Variants in MYOM2 observed in about 807,000 individuals in gnomAD.
MYOM2 encodes myomesin 2.
A neutral mutation model predicts 187.6 loss-of-function variants in MYOM2; 254 were observed. That is an observed-to-expected ratio of 1.35 (90% CI 1.22 to 1.50). MYOM2 has a LOEUF of 1.50. MYOM2 is among the 40% of genes most tolerant of loss of function. MYOM2 has a pLI of 0.00. For missense variants in MYOM2, 2,796 were observed against 1,924.0 expected, an observed-to-expected ratio of 1.45 and a Z score of -8.48; for synonymous variants, 981 against 753.8, an observed-to-expected ratio of 1.30 and a Z score of -4.94.
chr8:2,122,141 G>A (rs1797479812), intron 28 of MYOM2, among the ~76,000 whole-genome samples: 1 of 152,208 alleles, frequency 6.6e-6, no homozygotes, highest in Admixed American at 6.5e-5. Flanking sequence ...GAGACAGTAA[G>A]CAATTAGATT....
chr8:2,121,968 G>A (rs2116855762), intron 28 of MYOM2, among the ~76,000 whole-genome samples: 1 of 152,210 alleles, frequency 6.6e-6, no homozygotes, highest in South Asian at 2.1e-4. Context: ...GTTATTTTGG[G>A]GAATTAGAAC....
At position 2,106,543 on chromosome 8, in the gene MYOM2, G is replaced by T. The variant is rs143709896; in HGVS notation, c.2944G>T (p.Val982Leu). The change falls in exon 23 of 37, where the codon GTG (valine) becomes TTG (leucine). Residue 982 changes from valine to leucine, a missense_variant. Val to Leu is a conservative substitution (Grantham distance 32). Coordinates refer to ENST00000262113, the MANE Select transcript of MYOM2 (RefSeq NM_003970.4). Reference sequence around the variant, plus strand: ...TAAGGAGGATTTAGGGACTTACTCCGTGTCTGTAAGTGATACAGACGGAGT... The same window carrying T: ...TAAGGAGGATTTAGGGACTTACTCCTTGTCTGTAAGTGATACAGACGGAGT... ...PDKEDLGTYS[V>L]SVSDTDGVSS... 6 of 1,612,034 alleles carry T rather than the reference G, an allele frequency of 3.7e-6. No homozygotes were observed. In the Admixed American group the frequency reaches 1.0e-4, roughly 27 times the overall value.
In MYOM2 at chr8:2,145,266, G is replaced by A. The variant is rs1003766608; in HGVS notation, c.*285G>A. 5.5e-5 allele frequency: 29 copies of A among 531,946 alleles called. No homozygotes were observed. Among genetic ancestry groups the A allele is most frequent in the South Asian group, 1.2e-4 (5 of 40,120 alleles). 33.0% of individuals were successfully genotyped at this position (531,946 alleles called of 1,614,324 possible). A position where few individuals can be genotyped will look rare whatever the true frequency, so the allele number is the denominator to read the frequency against. Reference sequence around the variant, plus strand: ...GCAGACAACACACTAGAATTTTCACGGGTGTGGGCACATGGGTGTGGCACC... The same window carrying A: ...GCAGACAACACACTAGAATTTTCACAGGTGTGGGCACATGGGTGTGGCACC... On this transcript the variant is annotated 3_prime_UTR_variant, in exon 37 of 37. Transcript: ENST00000262113.
chr8:2,093,215 C>A (rs1300190566), intron 16 of MYOM2, among the ~76,000 whole-genome samples: 3 of 152,146 alleles, frequency 2.0e-5, no homozygotes, highest in Non-Finnish European at 4.4e-5. Context: ...TGGTGGCTAA[C>A]AAGAAGAGAT....
intron 25 of MYOM2, among the ~76,000 whole-genome samples, chr8:2,114,158 A>C (rs1016572922): frequency 6.6e-6 from 1 of 152,240 alleles, no homozygotes; most frequent in African/African-American, 2.4e-5. Context: ...CAGAAGCTGC[A>C]CTGTTGCAGA....
intron 25 of MYOM2, 145 bp downstream of exon 25, chr8:2,109,676 A>G (rs1206266198): frequency 1.2e-6 from 1 of 865,474 alleles, no homozygotes; most frequent in East Asian, 2.9e-5. Flanking sequence ...GACAAGATGA[A>G]TGGAGATGGT....
At chr8:2,054,573 C>A (rs1013804161) in intron 3 of MYOM2, among the ~76,000 whole-genome samples, 1 of 152,144 alleles carries the variant, frequency 6.6e-6, no homozygotes, top group East Asian at 1.9e-4. Flanking sequence ...GGGAGGAATT[C>A]CAGACCAATT....
At chr8:2,115,937 C>T (rs367654960) in intron 25 of MYOM2, 23 bp from the exon 26 acceptor site, 3 of 1,602,866 alleles carry the variant, frequency 1.9e-6, no homozygotes, top group African/African-American at 2.7e-5. Flanking sequence ...TATAATTCTC[C>T]ATTTCCCTTG....
chr8:2,116,099 G>C lies in MYOM2; in HGVS notation c.3320G>C (p.Gly1107Ala), dbSNP rs143305181. The change falls in exon 26 of 37, where the codon GGA becomes GCA. Residue 1107 changes from glycine to alanine, a missense_variant. By Grantham distance (60) the Gly-to-Ala change is moderately conservative (BLOSUM62 0). Coordinates refer to ENST00000262113, the MANE Select transcript of MYOM2 (RefSeq NM_003970.4). ...AKSQSSLVLI[G>A]DAFKTVLEEA... ...AGTCAGTCTTCTCTAGTTCTTATTGGAGATGGTATGCTATATCGAATATTT... is the reference window on the plus strand; with the variant it reads ...AGTCAGTCTTCTCTAGTTCTTATTGCAGATGGTATGCTATATCGAATATTT... 6.3e-3 allele frequency: 10,156 copies of C among 1,602,146 alleles called. 55 individuals are homozygous for C. Among genetic ancestry groups the C allele is most frequent in the Non-Finnish European group, 7.0e-3 (8,187 of 1,177,778 alleles).
At chr8:2,115,540 G>C (rs1371359417) in intron 25 of MYOM2, among the ~76,000 whole-genome samples, 1 of 152,232 alleles carries the variant, frequency 6.6e-6, no homozygotes, top group African/African-American at 2.4e-5. Flanking sequence ...TGTGTCCCGG[G>C]AGCTGAAGAT....
intron 14 of MYOM2, among the ~76,000 whole-genome samples, chr8:2,088,879 C>G (rs935812739): frequency 6.6e-6 from 1 of 152,218 alleles, no homozygotes; most frequent in African/African-American, 2.4e-5. Flanking sequence ...ATTCCCCCAG[C>G]AGTGGATAAG....
chr8:2,052,773 C>T (rs959615310), intron 3 of MYOM2, among the ~76,000 whole-genome samples: 1 of 152,170 alleles, frequency 6.6e-6, no homozygotes, highest in African/African-American at 2.4e-5. Context: ...CAGGAACAGC[C>T]GTGGAGGGGT....
chr8:2,067,025 G>T (rs1471911238), intron 6 of MYOM2, among the ~76,000 whole-genome samples: 4 of 152,200 alleles, frequency 2.6e-5, no homozygotes, highest in African/African-American at 9.6e-5. Flanking sequence ...TTGAGCAACG[G>T]CAGTTAGGGA....
intron 15 of MYOM2, 55 bp downstream of exon 15, chr8:2,090,246 A>T: frequency 6.6e-7 from 1 of 1,523,372 alleles, no homozygotes; most frequent in Non-Finnish European, 9.0e-7. Flanking sequence ...GTGGGGTGAC[A>T]CCAAATAGCC....
intron 5 of MYOM2, among the ~76,000 whole-genome samples, chr8:2,058,484 T>G (rs1818748252): frequency 6.6e-6 from 1 of 152,208 alleles, no homozygotes; most frequent in Admixed American, 6.5e-5. Context: ...GGACTGCAGA[T>G]CTGCAGTTAA....
chr8:2,141,541 T>C (rs1168166228), intron 34 of MYOM2, among the ~76,000 whole-genome samples: 1 of 152,220 alleles, frequency 6.6e-6, no homozygotes, highest in Admixed American at 6.5e-5. Context: ...GAGCGCTTTC[T>C]TTTACAGACT....
At chr8:2,141,046 T>C in intron 33 of MYOM2, 95 bp from the exon 34 acceptor site, 1 of 1,382,970 alleles carries the variant, frequency 7.2e-7, no homozygotes, top group Non-Finnish European at 9.9e-7. Flanking sequence ...TATATATCAG[T>C]TTTCATGAAC....
chr8:2,117,987 T>A, intron 28 of MYOM2, 35 bp downstream of exon 28: 1 of 1,590,594 alleles, frequency 6.3e-7, no homozygotes, highest in Non-Finnish European at 8.6e-7. Flanking sequence ...AAACAATAAA[T>A]CTCATTCTGG....
In MYOM2 at chr8:2,123,258, A is replaced by C; in HGVS notation, c.3460A>C (p.Asn1154His). 6.2e-7 allele frequency: 1 copy of C among 1,610,696 alleles called. No individual in the cohort carries two copies. Among genetic ancestry groups the C allele is most frequent in the Non-Finnish European group, 8.5e-7 (1 of 1,178,790 alleles). ...TAAGCTTTCTACCTCACAGGTTGCAAACACCAAGAAAGAAACCGTTTTCAA... is the reference window on the plus strand; with the variant it reads ...TAAGCTTTCTACCTCACAGGTTGCACACACCAAGAAAGAAACCGTTTTCAA... ...CEVRLVCKVA[N>H]TKKETVFKWL... The change falls in exon 29 of 37, where the codon AAC becomes CAC. Residue 1154 changes from asparagine to histidine, a missense_variant. Coordinates refer to ENST00000262113, the MANE Select transcript of MYOM2 (RefSeq NM_003970.4).
Sources: allele counts gnomAD v4.1 joint callset (sites outside exome capture counted in the v4.1 genomes callset), GRCh38; gene constraint gnomAD v4.1.1; transcripts MANE v1.5; gene names NCBI Gene and HGNC (gene_info 2026-07-23, HGNC 2026-07-21).